Variants in SLC15A1 observed in about 807,000 individuals in gnomAD.
The protein encoded by SLC15A1 is Caco-2 oligopeptide transporter.
SLC15A1 carries 83 observed loss-of-function variants against 92.9 expected under a neutral mutation model. That is an observed-to-expected ratio of 0.89 (90% CI 0.75 to 1.07). The LOEUF (loss-of-function observed/expected upper bound fraction) is 1.07, where lower values mean the gene tolerates loss of function less well. SLC15A1 is among the 50% of genes least tolerant of loss of function. The pLI is 0.00. For missense variants in SLC15A1, 857 were observed against 880.1 expected (o/e 0.97, Z 0.33); for synonymous variants, 322 against 318.2 (o/e 1.01, Z -0.13).
Position 98,726,817 on chromosome 13 carries a change from T to C in SLC15A1, c.21+26A>G. The C allele has an allele frequency of 2.5e-6, 4 of 1,607,770 alleles. No individual in the cohort carries two copies. In the South Asian group the frequency reaches 3.3e-5, roughly 13 times the overall value. On this transcript the variant is annotated intron_variant, in intron 2 of 22. Transcript: ENST00000376503. Reference sequence around the variant, plus strand: ...TGATAAAATTTACAAGATGAAGATATGTAGAGAAGGAAAAAGGGTACTCAC... The same window carrying C: ...TGATAAAATTTACAAGATGAAGATACGTAGAGAAGGAAAAAGGGTACTCAC...
At chr13:98,732,502 C>T (rs530385874) in intron 1 of SLC15A1, among the ~76,000 whole-genome samples, 24 of 152,186 alleles carry the variant, frequency 1.6e-4, no homozygotes, top group African/African-American at 5.3e-4. Context: ...AAGAGACTCC[C>T]CTCTTCCGCA....
At chr13:98,743,324 A>G (rs1023917632) in intron 1 of SLC15A1, among the ~76,000 whole-genome samples, 14 of 152,168 alleles carry the variant, frequency 9.2e-5, no homozygotes, top group Admixed American at 7.2e-4. Context: ...ACACACAACT[A>G]TCTAAAATCA....
chr13:98,705,978 C>G (rs960299734), intron 16 of SLC15A1, among the ~76,000 whole-genome samples, 156 bp downstream of exon 16: 10 of 152,066 alleles, frequency 6.6e-5, no homozygotes, highest in Admixed American at 2.0e-4. Context: ...GTGGAGCACA[C>G]TGGTTTAGAA....
At chr13:98,698,524 C>T (rs536583703) in intron 18 of SLC15A1, among the ~76,000 whole-genome samples, 18 of 152,268 alleles carry the variant, frequency 1.2e-4, no homozygotes, top group Middle Eastern at 3.4e-3. Flanking sequence ...CTGCAGCCTC[C>T]GCCTCCACAA....
intron 7 of SLC15A1, chr13:98,721,167 C>G (rs2088254119): frequency 7.5e-6 from 4 of 535,252 alleles, no homozygotes; most frequent in Non-Finnish European, 1.5e-5. Flanking sequence ...GCTACGGCCA[C>G]CAGCTTGGCT....
At chr13:98,730,122 GGA>G (rs2088335475) in intron 1 of SLC15A1, among the ~76,000 whole-genome samples, 1 of 151,518 alleles carries the variant, frequency 6.6e-6, no homozygotes, top group African/African-American at 2.4e-5. Context: ...CTTGAGCTTG[GGA>G]GGCGGAGGAT....
chr13:98,750,399 C>G (rs1273429740), intron 1 of SLC15A1, among the ~76,000 whole-genome samples: 1 of 152,190 alleles, frequency 6.6e-6, no homozygotes, highest in African/African-American at 2.4e-5. Flanking sequence ...GTGTGAGCCA[C>G]CGCGCCCAGC....
At position 98,709,858 on chromosome 13, in the gene SLC15A1, C is replaced by T. The variant is rs1462433557; in HGVS notation, c.945+9G>A. On this transcript the variant is annotated intron_variant, in intron 12 of 22. Transcript: ENST00000376503. ...GACAAAGAAACTAAAACAAAGGAGT[C>T]AAACTTACGATTTTCCCGGACATAG... 6.2e-7 allele frequency: 1 copy of T among 1,614,028 alleles called. No individual in the cohort carries two copies. Among genetic ancestry groups the T allele is most frequent in the Non-Finnish European group, 8.5e-7 (1 of 1,180,022 alleles).
In SLC15A1 at chr13:98,709,883, G is replaced by C. The variant is rs1487247930; in HGVS notation, c.929C>G (p.Thr310Ser). 1 of 1,614,218 alleles carries C rather than the reference G, an allele frequency of 6.2e-7. No individual in the cohort carries two copies. Among genetic ancestry groups the C allele is most frequent in the Non-Finnish European group, 8.5e-7 (1 of 1,180,048 alleles). ...QGSRWTLQAT[T>S]MSGKIGALEI... is the part of the protein sequence containing the mutation. ...CAAACTTACGATTTTCCCGGACATA[G>C]TTGTTGCCTGCAGTGTCCACCTGGA... The change falls in exon 12 of 23, where the codon ACT becomes AGT. Residue 310 changes from threonine (T) to serine (S), a missense_variant. Physicochemically the swap from Thr to Ser is moderately conservative, Grantham distance 58 (BLOSUM62 1). Coordinates refer to ENST00000376503, the MANE Select transcript of SLC15A1 (RefSeq NM_005073.4).
intron 17 of SLC15A1, among the ~76,000 whole-genome samples, chr13:98,703,539 CTTTTTTTTTTTTTT>C (rs771426478): frequency 2.6e-4 from 22 of 85,544 alleles, no homozygotes; most frequent in African/African-American, 8.6e-4. Context: ...GCTGCTGCTG[CTTTTTTTTTTTTTT>C]TTTTTTTTTT....
At chr13:98,734,270 T>A (rs1193539678) in intron 1 of SLC15A1, among the ~76,000 whole-genome samples, 2 of 152,176 alleles carry the variant, frequency 1.3e-5, no homozygotes, top group East Asian at 1.9e-4. Context: ...CAGCCTTAGA[T>A]CTGGTTATTT....
At chr13:98,719,365 G>A (rs2139589929) in intron 7 of SLC15A1, 45 bp from the exon 8 acceptor site, 1 of 1,360,406 alleles carries the variant, frequency 7.4e-7, no homozygotes, top group South Asian at 1.2e-5. Flanking sequence ...CATTGGTAAT[G>A]AGCATATAGT....
At chr13:98,713,281 CA>C (rs1428549305) in intron 9 of SLC15A1, among the ~76,000 whole-genome samples, 1 of 152,010 alleles carries the variant, frequency 6.6e-6, no homozygotes, top group Non-Finnish European at 1.5e-5. Flanking sequence ...AGACTGGTCT[CA>C]AATTCCTGAG....
intron 1 of SLC15A1, among the ~76,000 whole-genome samples, chr13:98,740,876 G>A (rs892633066): frequency 1.3e-5 from 2 of 152,160 alleles, no homozygotes; most frequent in African/African-American, 4.8e-5. Flanking sequence ...AATGAAAAGT[G>A]TTTTTCTTTC....
Position 98,687,609 on chromosome 13 carries a change from A to G in SLC15A1, c.1799T>C (p.Val600Ala). The G allele has an allele frequency of 1.2e-6, 2 of 1,614,198 alleles. No homozygotes were observed. Among genetic ancestry groups the G allele is most frequent in the Non-Finnish European group, 1.7e-6 (2 of 1,180,030 alleles). The change falls in exon 21 of 23, where the codon GTC becomes GCC. Residue 600 changes from valine (V) to alanine (A), a missense_variant. Coordinates refer to ENST00000376503, the MANE Select transcript of SLC15A1 (RefSeq NM_005073.4). ...LLTCGEVVFSVTGLEFSYSQA... is the reference protein window; with the variant it reads ...LLTCGEVVFSATGLEFSYSQA... ...AGAATATGAGAATTCCAATCCCGTG[A>G]CAGAGAAGACCACTTCGCCACAGGT...
intron 7 of SLC15A1, 113 bp downstream of exon 7, chr13:98,721,382 T>C (rs1467786233): frequency 4.9e-5 from 38 of 772,944 alleles, no homozygotes; most frequent in Non-Finnish European, 7.4e-5. Context: ...TCCCAGCATG[T>C]AGCTGACAGC....
chr13:98,706,621 G>A (rs2088114945), intron 15 of SLC15A1, among the ~76,000 whole-genome samples: 1 of 152,148 alleles, frequency 6.6e-6, no homozygotes, highest in Admixed American at 6.6e-5. Flanking sequence ...GTTTTATAAG[G>A]GAAAACCCCT....
intron 18 of SLC15A1, among the ~76,000 whole-genome samples, chr13:98,691,155 T>G (rs981445640): frequency 2.6e-5 from 4 of 152,168 alleles, no homozygotes; most frequent in Non-Finnish European, 4.4e-5. Flanking sequence ...GTGATTCTCC[T>G]GCCTCAGACT....
chr13:98,722,828 A>G (rs2139593105), intron 5 of SLC15A1, among the ~76,000 whole-genome samples: 1 of 152,300 alleles, frequency 6.6e-6, no homozygotes, highest in Non-Finnish European at 1.5e-5. Context: ...TATTATATAC[A>G]ATTTACTCTT....
Sources: gnomAD v4.1 joint callset for allele counts (sites outside exome capture counted in the v4.1 genomes callset) on GRCh38, gnomAD v4.1.1 for gene constraint, MANE v1.5 for transcripts, NCBI Gene and HGNC (gene_info 2026-07-23, HGNC 2026-07-21) for gene names.